The following SMURF2 variants were observed in gnomAD, a reference collection of about 807,000 sequenced individuals.
SMURF2 encodes the protein E3 ubiquitin-protein ligase SMURF2.
SMURF2 carries 48 observed loss-of-function variants against 109.6 expected under a neutral mutation model. The observed-to-expected ratio is 0.44, with a 90% CI of 0.35 to 0.56. The LOEUF (loss-of-function observed/expected upper bound fraction) is 0.56, where lower values mean the gene tolerates loss of function less well. SMURF2 is among the 20% of genes least tolerant of loss of function. SMURF2 has a pLI of 0.01. For synonymous variants in SMURF2, 288 were observed against 317.1 expected (o/e 0.91, Z 0.97); for missense variants, 575 against 909.0 (o/e 0.63, Z 4.72).
chr17:64,607,380 C>T (rs1969984748), intron 1 of SMURF2, among the ~76,000 whole-genome samples: 1 of 152,066 alleles, frequency 6.6e-6, no homozygotes, highest in African/African-American at 2.4e-5. Flanking sequence ...GTAATCCCAG[C>T]ACTTTGGGAG....
intron 6 of SMURF2, among the ~76,000 whole-genome samples, chr17:64,584,240 C>A (rs1289871380): frequency 6.7e-6 from 1 of 149,652 alleles, no homozygotes; most frequent in Non-Finnish European, 1.5e-5. Flanking sequence ...ATTGCTTGAA[C>A]CGGGGAGGCG....
intron 10 of SMURF2, among the ~76,000 whole-genome samples, chr17:64,566,508 AAAAAC>A (rs782783715): frequency 1.3e-5 from 2 of 151,008 alleles, no homozygotes; most frequent in African/African-American, 4.9e-5. Flanking sequence ...TTAAGAAGAA[AAAAAC>A]AAAACAAAAC....
chr17:64,624,738 C>T (rs1374178564), intron 1 of SMURF2, among the ~76,000 whole-genome samples: 1 of 151,248 alleles, frequency 6.6e-6, no homozygotes, highest in Non-Finnish European at 1.5e-5. Context: ...GCAGGAGGAT[C>T]GTTTGAACAC....
chr17:64,550,757 C>CAAAAAAA (rs146307567), intron 16 of SMURF2, among the ~76,000 whole-genome samples: 3,602 of 69,316 alleles, frequency 0.052, 67 homozygotes, highest in Admixed American at 0.13. Flanking sequence ...ACTCTGTCTC[C>CAAAAAAA]AAAAAAAAAA....
Position 64,662,151 on chromosome 17 carries a change from C to CCCGCCGCCTCCTCGCGG in SMURF2, c.-288_-272dup. 1.9e-6 allele frequency: 2 copies of CCCGCCGCCTCCTCGCGG among 1,034,852 alleles called. No individual in the cohort carries two copies. Among genetic ancestry groups the CCCGCCGCCTCCTCGCGG allele is most frequent in the Non-Finnish European group, 2.3e-6 (2 of 863,052 alleles). The allele number at this position is 1,034,852 out of a possible 1,614,324, so 64.1% of individuals were successfully genotyped here. A position where few individuals can be genotyped will look rare whatever the true frequency, so the allele number is the denominator to read the frequency against. ...CGCCCGCGCCGCCTCCGCCCGCGCC[C>CCCGCCGCCTCCTCGCGG]CCGCCGCCTCCTCGCGGCCGCCGAG... is the stretch of plus-strand genomic sequence containing the variant. On this transcript the variant is annotated 5_prime_UTR_variant, in exon 1 of 19. Transcript: ENST00000262435.
At chr17:64,641,203 C>A (rs1970488776) in intron 1 of SMURF2, among the ~76,000 whole-genome samples, 1 of 152,052 alleles carries the variant, frequency 6.6e-6, no homozygotes, top group African/African-American at 2.4e-5. Context: ...CATAACTCTT[C>A]TAGAAGCTGC....
chr17:64,617,430 A>T (rs1970141600), intron 1 of SMURF2, among the ~76,000 whole-genome samples: 1 of 152,234 alleles, frequency 6.6e-6, no homozygotes, highest in South Asian at 2.1e-4. Context: ...TCCTAAGAAC[A>T]GTATCAGCAT....
intron 14 of SMURF2, among the ~76,000 whole-genome samples, 179 bp from the exon 15 acceptor site, chr17:64,555,172 A>G (rs894425975): frequency 6.6e-6 from 1 of 152,230 alleles, no homozygotes; most frequent in South Asian, 2.1e-4. Flanking sequence ...TTTAACCTTC[A>G]TAAACACAGA....
chr17:64,558,808 T>C (rs1555684254), intron 12 of SMURF2, among the ~76,000 whole-genome samples: 1 of 152,358 alleles, frequency 6.6e-6, no homozygotes, highest in Admixed American at 6.5e-5. Context: ...GGAAATTCAC[T>C]AGTCTAGGAC....
chr17:64,566,172 C>T (rs1019173281), intron 10 of SMURF2, among the ~76,000 whole-genome samples: 9 of 150,334 alleles, frequency 6.0e-5, no homozygotes, highest in Non-Finnish European at 7.4e-5. Flanking sequence ...TACTTCTATC[C>T]GACATATCCT....
chr17:64,551,777 A>T, intron 15 of SMURF2, 73 bp from the exon 16 acceptor site: 5 of 1,564,390 alleles, frequency 3.2e-6, no homozygotes, highest in Non-Finnish European at 4.4e-6. Context: ...ATAAATCTCT[A>T]CTTTAGCAAC....
intron 15 of SMURF2, among the ~76,000 whole-genome samples, chr17:64,553,850 A>G (rs1969080498): frequency 6.6e-6 from 1 of 152,194 alleles, no homozygotes; most frequent in South Asian, 2.1e-4. Flanking sequence ...ACTCCAATCA[A>G]GTGGACCTCA....
intron 1 of SMURF2, among the ~76,000 whole-genome samples, chr17:64,652,483 T>C (rs1240525068): frequency 2.6e-5 from 4 of 152,078 alleles, no homozygotes; most frequent in African/African-American, 9.7e-5. Flanking sequence ...TACTGTCAAC[T>C]GATTTGTTTG....
intron 1 of SMURF2, among the ~76,000 whole-genome samples, chr17:64,624,747 A>G (rs575706837): frequency 1.5e-3 from 235 of 151,928 alleles, no homozygotes; most frequent in African/African-American, 5.4e-3. Context: ...TCGTTTGAAC[A>G]CAGGAGGTTG....
chr17:64,594,997 A>G (rs1386945465), intron 3 of SMURF2, among the ~76,000 whole-genome samples: 2 of 152,142 alleles, frequency 1.3e-5, no homozygotes, highest in Non-Finnish European at 1.5e-5. Context: ...TCTCAAAAAA[A>G]GAAAAAAAAA....
chr17:64,652,142 T>C (rs1354792355), intron 1 of SMURF2, among the ~76,000 whole-genome samples: 2 of 152,202 alleles, frequency 1.3e-5, no homozygotes, highest in Admixed American at 1.3e-4. Context: ...AGACTAATAA[T>C]TTTAAAATGT....
At chr17:64,599,587 C>T (rs1969865254) in intron 2 of SMURF2, among the ~76,000 whole-genome samples, 1 of 152,196 alleles carries the variant, frequency 6.6e-6, no homozygotes, top group Non-Finnish European at 1.5e-5. Context: ...ACAGCCTGAG[C>T]TCCGCCTTCT....
At position 64,551,708 on chromosome 17, in the gene SMURF2, T is replaced by C. The variant is rs1455552846; in HGVS notation, c.1749-4A>G. On this transcript the variant is annotated splice_region_variant and splice_polypyrimidine_tract_variant and intron_variant, in intron 15 of 18. Transcript: ENST00000262435. ...AAATCTCCAGTTCACATAGAGCCTG[T>C]AAACATTCGGCAGGATTTCGTATAA... is the stretch of plus-strand genomic sequence containing the variant. The C allele has an allele frequency of 5.0e-6, 8 of 1,613,452 alleles. No individual in the cohort carries two copies. Among genetic ancestry groups the C allele is most frequent in the Non-Finnish European group, 5.9e-6 (7 of 1,179,780 alleles).
chr17:64,605,599 G>A (rs184412693), intron 2 of SMURF2, among the ~76,000 whole-genome samples: 35 of 151,038 alleles, frequency 2.3e-4, no homozygotes, highest in Non-Finnish European at 2.7e-4. Flanking sequence ...TTAGCTGGAC[G>A]TGGTGAAGTG....
Sources: gnomAD v4.1 joint callset for allele counts (sites outside exome capture counted in the v4.1 genomes callset) on GRCh38, gnomAD v4.1.1 for gene constraint, MANE v1.5 for transcripts, NCBI Gene and HGNC (gene_info 2026-07-23, HGNC 2026-07-21) for gene names.